Variants in TRHDE observed in about 807,000 individuals in gnomAD.
TRHDE encodes thyrotropin releasing hormone degrading enzyme.
TRHDE carries 72 observed loss-of-function variants against 125.7 expected under a neutral mutation model. That is an observed-to-expected ratio of 0.57 (90% CI 0.47 to 0.70). The LOEUF (loss-of-function observed/expected upper bound fraction) is 0.70, where lower values mean the gene tolerates loss of function less well. TRHDE is among the 30% of genes least tolerant of loss of function. The pLI, the probability that TRHDE is intolerant of heterozygous loss-of-function variation, is 0.00. For missense variants in TRHDE, 1,110 were observed against 1,327.1 expected, an observed-to-expected ratio of 0.84 and a Z score of 2.54; for synonymous variants, 509 against 509.1, an observed-to-expected ratio of 1.00 and a Z score of 0.00.
intron 5 of TRHDE, among the ~76,000 whole-genome samples, chr12:72,475,689 C>T (rs1207941052): frequency 1.3e-5 from 2 of 152,012 alleles, no homozygotes; most frequent in Non-Finnish European, 2.9e-5. Context: ...TAAACACAGA[C>T]CATGCATTAG....
chr12:72,332,136 C>T (rs567602901), intron 2 of TRHDE, among the ~76,000 whole-genome samples: 2 of 133,884 alleles, frequency 1.5e-5, no homozygotes, highest in African/African-American at 5.2e-5. Context: ...CAAGGGGGAG[C>T]TCCCAAACTC....
chr12:72,598,373 A>T (rs773523870), intron 12 of TRHDE, among the ~76,000 whole-genome samples: 33 of 152,272 alleles, frequency 2.2e-4, no homozygotes, highest in Non-Finnish European at 3.1e-4. Flanking sequence ...TGAAATGCCA[A>T]TTTTTTGCAT....
chr12:72,503,027 A>C (rs1393240562), intron 6 of TRHDE, among the ~76,000 whole-genome samples: 1 of 152,160 alleles, frequency 6.6e-6, no homozygotes, highest in African/African-American at 2.4e-5. Context: ...ATAATGAGTA[A>C]TAACCAATTA....
intron 2 of TRHDE, among the ~76,000 whole-genome samples, chr12:72,150,586 C>A (rs1212862827): frequency 2.2e-5 from 3 of 133,446 alleles, no homozygotes; most frequent in African/African-American, 8.5e-5. Flanking sequence ...GTTTGATGTT[C>A]CCCTTTCTGT....
chr12:72,574,354 T>C (rs1870889026), intron 10 of TRHDE, among the ~76,000 whole-genome samples: 1 of 152,040 alleles, frequency 6.6e-6, no homozygotes, highest in Admixed American at 6.6e-5. Context: ...GTTTTGATTT[T>C]TTTTCACCTG....
chr12:72,268,207 C>T (rs772644227), upstream of TRHDE, among the ~76,000 whole-genome samples: 1 of 151,986 alleles, frequency 6.6e-6, no homozygotes, highest in Non-Finnish European at 1.5e-5. Context: ...GAAACATATC[C>T]CTCTCATACG....
At chr12:72,146,915 C>G (rs8181774) in intron 2 of TRHDE, among the ~76,000 whole-genome samples, 10,557 of 152,196 alleles carry the variant, frequency 0.069, 616 homozygotes, top group African/African-American at 0.15. Flanking sequence ...GAGATGGATG[C>G]GGAGCCGGAA....
chr12:72,484,835 G>A (rs1022843994), intron 5 of TRHDE, among the ~76,000 whole-genome samples: 1 of 152,096 alleles, frequency 6.6e-6, no homozygotes, highest in Admixed American at 6.6e-5. Context: ...CACAAGAAAA[G>A]TCCCCAGACA....
intron 12 of TRHDE, among the ~76,000 whole-genome samples, chr12:72,578,601 C>T (rs1215334831): frequency 2.0e-5 from 3 of 152,116 alleles, no homozygotes; most frequent in Non-Finnish European, 4.4e-5. Flanking sequence ...CCTGATAGTT[C>T]TTCAATGATG....
chr12:72,396,884 A>G (rs1872815124), intron 3 of TRHDE, among the ~76,000 whole-genome samples: 1 of 152,118 alleles, frequency 6.6e-6, no homozygotes, highest in South Asian at 2.1e-4. Flanking sequence ...CAATGTTTAT[A>G]TATTTGATAT....
chr12:72,633,334 T>C lies in TRHDE; in HGVS notation c.2675+11583T>C, dbSNP rs139575842. Reference sequence around the variant, plus strand: ...CATGCAAAATTAAAATATTAAGAAGTACTGAATATCATTTTAGAACATATT... The same window carrying C: ...CATGCAAAATTAAAATATTAAGAAGCACTGAATATCATTTTAGAACATATT... On this transcript the variant is annotated intron_variant, in intron 15 of 18. Transcript: ENST00000261180. Among the ~76,000 whole-genome samples, 3 of 152,184 alleles carry C rather than the reference T, an allele frequency of 2.0e-5. No homozygotes were observed. In the East Asian group the frequency reaches 5.8e-4, roughly 29 times the overall value.
At chr12:72,117,357 T>C (rs2139299017) in intron 2 of TRHDE, among the ~76,000 whole-genome samples, 1 of 152,284 alleles carries the variant, frequency 6.6e-6, no homozygotes, top group South Asian at 2.1e-4. Context: ...TGTATGCTTT[T>C]GGCACCTTTG....
chr12:72,558,245 A>T (rs1870014591), intron 7 of TRHDE, among the ~76,000 whole-genome samples: 1 of 152,184 alleles, frequency 6.6e-6, no homozygotes. Context: ...AATATAAAAG[A>T]GATATTTAAC....
intron 2 of TRHDE, among the ~76,000 whole-genome samples, chr12:72,203,739 C>T (rs2730661): frequency 6.6e-6 from 1 of 152,118 alleles, no homozygotes; most frequent in Non-Finnish European, 1.5e-5. Flanking sequence ...TCTGCCTGTA[C>T]TAGTGGACAA....
At chr12:72,294,963 C>T (rs527738269) in intron 2 of TRHDE, among the ~76,000 whole-genome samples, 1 of 152,090 alleles carries the variant, frequency 6.6e-6, no homozygotes, top group South Asian at 2.1e-4. Context: ...GAGATAGGAG[C>T]AGGCAAGGAC....
chr12:72,446,428 T>A (rs1372858666), intron 3 of TRHDE, among the ~76,000 whole-genome samples: 3 of 151,976 alleles, frequency 2.0e-5, no homozygotes, highest in Non-Finnish European at 2.9e-5. Flanking sequence ...AGACCATTGA[T>A]GCTAGGAAGA....
chr12:72,281,129 CTACA>C (rs1258906442), intron 1 of TRHDE, among the ~76,000 whole-genome samples: 1 of 152,114 alleles, frequency 6.6e-6, no homozygotes, highest in Non-Finnish European at 1.5e-5. Context: ...GCACCACTTC[CTACA>C]TACATATTGC....
chr12:72,395,858 CCTTCAAACCT>C (rs1177631449), intron 3 of TRHDE, among the ~76,000 whole-genome samples: 1 of 152,142 alleles, frequency 6.6e-6, no homozygotes, highest in Non-Finnish European at 1.5e-5. Flanking sequence ...TTTTTCCCTC[CCTTCAAACCT>C]CTAGTATACT....
chr12:72,547,148 CTTG>C (rs996149759), intron 7 of TRHDE, among the ~76,000 whole-genome samples: 16 of 141,476 alleles, frequency 1.1e-4, no homozygotes, highest in Admixed American at 2.9e-4. Context: ...ATTATTTTTA[CTTG>C]TTTTTTTTTT....
Sources: allele counts gnomAD v4.1 joint callset (sites outside exome capture counted in the v4.1 genomes callset), GRCh38; gene constraint gnomAD v4.1.1; transcripts MANE v1.5; gene names NCBI Gene and HGNC (gene_info 2026-07-23, HGNC 2026-07-21).